The following TRMT11 variants were observed in gnomAD, a reference collection of about 807,000 sequenced individuals.
TRMT11 encodes the protein tRNA methyltransferase 11, also known as tRNA (guanine(10)-N(2))-methyltransferase TRMT11.
Under a neutral mutation model 62.8 loss-of-function variants are expected in TRMT11, and 53 were observed. The ratio of observed to expected loss-of-function variants is 0.84; its 90% CI spans 0.68 to 1.06. The LOEUF (loss-of-function observed/expected upper bound fraction) is 1.06, where lower values mean the gene tolerates loss of function less well. TRMT11 is among the 50% of genes least tolerant of loss of function. The pLI, the probability that TRMT11 is intolerant of heterozygous loss-of-function variation, is 0.00. For missense variants in TRMT11, 556 were observed against 553.4 expected (o/e 1.00, Z -0.05); for synonymous variants, 188 against 190.3 (o/e 0.99, Z 0.10).
intron 3 of TRMT11, among the ~76,000 whole-genome samples, chr6:126,201,615 C>T (rs1478155368): frequency 6.6e-6 from 1 of 152,180 alleles, no homozygotes; most frequent in East Asian, 1.9e-4. Context: ...CTTCTCCACT[C>T]ATCCACTTCT....
chr6:126,215,454 C>CTT, the TRMT11 span, among the ~76,000 whole-genome samples: 3 of 151,898 alleles, frequency 2.0e-5, no homozygotes, highest in Non-Finnish European at 4.4e-5. Context: ...TTCTTTGTCT[C>CTT]TTTTTACAGC....
chr6:126,055,695 A>G (rs890069257), intron 17 of TRMT11, among the ~76,000 whole-genome samples: 4 of 152,124 alleles, frequency 2.6e-5, no homozygotes, highest in Non-Finnish European at 5.9e-5. Context: ...TCCCTTTAGT[A>G]TATACGATTT....
At chr6:126,172,493 C>G (rs2128236777), upstream of TRMT11, among the ~76,000 whole-genome samples, 1 of 152,326 alleles carries the variant, frequency 6.6e-6, no homozygotes, top group African/African-American at 2.4e-5. Context: ...ATTTTTACCT[C>G]ACAGATTGCT....
intron 21 of TRMT11, among the ~76,000 whole-genome samples, chr6:126,160,921 AAGAAATAAAAGTACAGAAAGTTT>A (rs1778182634): frequency 1.3e-5 from 2 of 152,186 alleles, no homozygotes; most frequent in Admixed American, 6.5e-5. Context: ...AGCAAGAAGA[AAGAAATAAAAGTACAGAAAGTTT>A]AGAAATAAAA....
intron 17 of TRMT11, among the ~76,000 whole-genome samples, chr6:126,053,413 A>G (rs1359012403): frequency 6.6e-6 from 1 of 152,210 alleles, no homozygotes; most frequent in South Asian, 2.1e-4. Context: ...TAGAAACTAA[A>G]CAGTCCAGAG....
At chr6:126,026,836 T>A (rs1308899437) in intron 12 of TRMT11, among the ~76,000 whole-genome samples, 2 of 144,524 alleles carry the variant, frequency 1.4e-5, no homozygotes, top group Non-Finnish European at 3.0e-5. Context: ...GGAGTCTTGC[T>A]CTGTTGCCCA....
chr6:126,205,945 G>A (rs993211913), downstream of TRMT11, among the ~76,000 whole-genome samples: 3 of 149,150 alleles, frequency 2.0e-5, no homozygotes, highest in South Asian at 2.2e-4. Context: ...ACACATGCGC[G>A]CACACACACA....
intron 21 of TRMT11, among the ~76,000 whole-genome samples, chr6:126,167,093 T>C (rs1778276742): frequency 6.6e-6 from 1 of 152,258 alleles, no homozygotes; most frequent in Admixed American, 6.5e-5. Context: ...CTTGGCTCCC[T>C]GACTTCAGCC....
intron 1 of TRMT11, among the ~76,000 whole-genome samples, chr6:126,190,148 G>A (rs1778579581): frequency 6.6e-6 from 1 of 152,078 alleles, no homozygotes; most frequent in Admixed American, 6.6e-5. Flanking sequence ...ACTAGAATTT[G>A]TTTTTTCTAA....
intron 17 of TRMT11, among the ~76,000 whole-genome samples, chr6:126,096,989 A>G (rs1777348154): frequency 6.6e-6 from 1 of 152,202 alleles, no homozygotes; most frequent in African/African-American, 2.4e-5. Context: ...AACCACAGTC[A>G]ATGGCTGGAA....
intron 7 of TRMT11, chr6:126,006,894 A>T (rs1793439921): frequency 6.6e-6 from 1 of 152,028 alleles, no homozygotes; most frequent in African/African-American, 2.4e-5. Flanking sequence ...CAAATGGATA[A>T]GGTTCTGTTA....
intron 16 of TRMT11, among the ~76,000 whole-genome samples, chr6:126,051,545 T>G (rs147074525): frequency 3.5e-4 from 53 of 152,158 alleles, no homozygotes; most frequent in African/African-American, 1.2e-3. Context: ...GTCATGGAGG[T>G]AGATATGAAT....
chr6:126,076,463 T>A (rs1175848072), intron 17 of TRMT11, among the ~76,000 whole-genome samples: 1 of 152,176 alleles, frequency 6.6e-6, no homozygotes, highest in Non-Finnish European at 1.5e-5. Context: ...AACCTTTGGA[T>A]CAAGCACTGC....
chr6:126,244,806 C>T, the TRMT11 span, among the ~76,000 whole-genome samples: 1 of 152,142 alleles, frequency 6.6e-6, no homozygotes, highest in Non-Finnish European at 1.5e-5. Flanking sequence ...ATATCCTTGA[C>T]TAGTGGTTAA....
intron 17 of TRMT11, among the ~76,000 whole-genome samples, chr6:126,090,493 A>C (rs1232361229): frequency 1.1e-4 from 16 of 152,232 alleles, no homozygotes. Flanking sequence ...CACACATACA[A>C]GTAAACAATT....
At chr6:126,162,606 A>G (rs1045422272) in intron 21 of TRMT11, among the ~76,000 whole-genome samples, 3 of 152,184 alleles carry the variant, frequency 2.0e-5, no homozygotes, top group Admixed American at 6.6e-5. Context: ...AAGAAAGTCA[A>G]TGGTAGCTTG....
chr6:126,038,635 G>T, intron 12 of TRMT11, 70 bp from the exon 13 acceptor site: 2 of 1,399,592 alleles, frequency 1.4e-6, no homozygotes, highest in South Asian at 3.3e-5. Flanking sequence ...TTTGCTTAAG[G>T]TAAACAACTG....
the TRMT11 span, among the ~76,000 whole-genome samples, chr6:126,227,688 C>G: frequency 6.6e-6 from 1 of 152,214 alleles, no homozygotes; most frequent in South Asian, 2.1e-4. Flanking sequence ...ATACTGCTAT[C>G]CCTTCCTCGA....
chr6:126,038,618 T>C, intron 12 of TRMT11, 87 bp from the exon 13 acceptor site: 1 of 1,200,174 alleles, frequency 8.3e-7, no homozygotes. Flanking sequence ...GAGATTTTGC[T>C]TAAGATTTTG....
Sources: allele counts gnomAD v4.1 joint callset (sites outside exome capture counted in the v4.1 genomes callset), GRCh38; gene constraint gnomAD v4.1.1; transcripts MANE v1.5; gene names NCBI Gene and HGNC (gene_info 2026-07-23, HGNC 2026-07-21).